ELP1: variants seen among roughly 807,000 people sequenced by gnomAD.
ELP1 encodes the protein elongator acetyltransferase complex subunit 1.
In ELP1, 131 loss-of-function variants were observed where a neutral mutation model predicts 183.2. The ratio of observed to expected loss-of-function variants is 0.72; its 90% confidence interval spans 0.62 to 0.83. The LOEUF is 0.83. ELP1 is among the 40% of genes least tolerant of loss of function. The pLI, the probability that ELP1 is intolerant of heterozygous loss-of-function variation, is 0.00. For missense variants in ELP1, 1,550 were observed against 1,594.9 expected (o/e 0.97, Z 0.48); for synonymous variants, 555 against 569.0 (o/e 0.98, Z 0.35).
At chr9:108,885,514 G>C (rs1183780170) in intron 29 of ELP1, among the ~76,000 whole-genome samples, 2 of 24,748 alleles carry the variant, frequency 8.1e-5, no homozygotes, top group South Asian at 8.5e-4. Context: ...TGAACTAATA[G>C]TGGAAAAGCT....
chr9:108,909,778 A>C (rs932158144), intron 12 of ELP1, among the ~76,000 whole-genome samples: 1 of 152,140 alleles, frequency 6.6e-6, no homozygotes, highest in Non-Finnish European at 1.5e-5. Flanking sequence ...GATGCCGAAC[A>C]ATCTTTCAAA....
At position 108,899,667 on chromosome 9, in the gene ELP1, T is replaced by TA. The variant is rs369301164; in HGVS notation, c.2204+154dup. Among the ~76,000 whole-genome samples the TA allele has an allele frequency of 0.12, 16,448 of 138,544 alleles. 1,149 individuals are homozygous for TA. Among genetic ancestry groups the TA allele is most frequent in the African/African-American group, 0.21 (7,819 of 38,032 alleles). 90.9% of individuals were successfully genotyped at this position (138,544 alleles called of 152,430 possible). A position where few individuals can be genotyped will look rare whatever the true frequency, so the allele number is the denominator to read the frequency against. On this transcript the variant is annotated intron_variant, in intron 20 of 36. Coordinates refer to ENST00000374647, the MANE Select transcript of ELP1 (RefSeq NM_003640.5). ...AAATACTGCATTAAAGTAAAAAAGTTAAAAAAAAAAAAAAGAGCCTCTAAG... is the reference window on the plus strand; with the variant it reads ...AAATACTGCATTAAAGTAAAAAAGTTAAAAAAAAAAAAAAAGAGCCTCTAAG...
rs375166990 is a variant in ELP1 at position 108,873,149 on chromosome 9, A to G, written c.3931+1746T>C. Among the ~76,000 whole-genome samples the G allele has an allele frequency of 1.4e-4, 21 of 152,318 alleles. No homozygotes were observed. In the East Asian group the frequency reaches 3.3e-3, roughly 24 times the overall value. ...CACTTATTTTGTCATCAATTGCAAC[A>G]AGTCCAACCCAGCTGTGATTCAAGT... On this transcript the variant is annotated intron_variant, in intron 36 of 36. Coordinates refer to ENST00000374647, the MANE Select transcript of ELP1 (RefSeq NM_003640.5).
chr9:108,919,585 G>A (rs1356209710), intron 6 of ELP1, among the ~76,000 whole-genome samples: 1 of 150,732 alleles, frequency 6.6e-6, no homozygotes, highest in Non-Finnish European at 1.5e-5. Context: ...AAAAAAAAGT[G>A]GCCTCTGAGA....
intron 25 of ELP1, among the ~76,000 whole-genome samples, chr9:108,895,012 C>T (rs895504553): frequency 2.0e-5 from 3 of 152,032 alleles, no homozygotes; most frequent in Non-Finnish European, 4.4e-5. Flanking sequence ...TCTGGGAGGC[C>T]GAGGCAGATG....
intron 19 of ELP1, 149 bp from the exon 20 acceptor site, chr9:108,900,044 T>G: frequency 1.2e-6 from 1 of 833,498 alleles, no homozygotes; most frequent in Admixed American, 2.1e-5. Context: ...TTCTCTATAT[T>G]TATCTTGACT....
At chr9:108,910,616 C>T (rs1829177410) in intron 12 of ELP1, among the ~76,000 whole-genome samples, 1 of 152,134 alleles carries the variant, frequency 6.6e-6, no homozygotes, top group Non-Finnish European at 1.5e-5. Context: ...ACACTGTGTT[C>T]CCTCATCTAC....
intron 1 of ELP1, among the ~76,000 whole-genome samples, chr9:108,931,634 G>C (rs1830006450): frequency 6.6e-6 from 1 of 152,200 alleles, no homozygotes; most frequent in African/African-American, 2.4e-5. Flanking sequence ...ACTGGCAGTT[G>C]AAGAGAATCT....
rs144059169 is a variant in ELP1, at chr9:108,912,504, A to G, written c.959-10T>C. 90 of 1,601,296 alleles carry G rather than the reference A, an allele frequency of 5.6e-5. No individual in the cohort carries two copies. In the African/African-American group the frequency reaches 1.1e-3, roughly 19 times the overall value. ...ACAGTCCAGAGCTGAACTGCAAGGG[A>G]AAATGAAAAGAAGGCCGTTAGAGGC... is the stretch of plus-strand genomic sequence containing the variant. On this transcript the variant is annotated splice_polypyrimidine_tract_variant and intron_variant, in intron 10 of 36. Transcript: ENST00000374647.
At position 108,873,759 on chromosome 9, in the gene ELP1, G is replaced by A. The variant is rs560671561; in HGVS notation, c.3931+1136C>T. ...AAGTGGGCTGGGCACAGGGGCAGAC[G>A]CCTGTAATCCCAGCACTTTGGGAGG... On this transcript the variant is annotated intron_variant, in intron 36 of 36. Coordinates refer to ENST00000374647, the MANE Select transcript of ELP1 (RefSeq NM_003640.5). Among the ~76,000 whole-genome samples the A allele has an allele frequency of 3.9e-5, 6 of 152,262 alleles. No individual in the cohort carries two copies. In the East Asian group the frequency reaches 5.8e-4, roughly 15 times the overall value.
chr9:108,912,287 G>A lies in ELP1; in HGVS notation c.1166C>T (p.Ser389Phe), dbSNP rs745948468. The A allele has an allele frequency of 5.6e-6, 9 of 1,613,930 alleles. No homozygotes were observed. The highest frequency in any genetic ancestry group is 2.7e-5 in the African/African-American group (2 of 74,902). ...ACTTCCATCAATGACAGCCACATTG[G>A]ACAAGTCACTTGAATTATCTCCCAC... ...RSVGDNSSDL[S>F]NVAVIDGNRV... The change falls in exon 11 of 37, where the codon TCC (serine) becomes TTC (phenylalanine). Residue 389 changes from serine to phenylalanine, a missense_variant. Coordinates refer to ENST00000374647, the MANE Select transcript of ELP1 (RefSeq NM_003640.5).
chr9:108,882,040 G>A, intron 30 of ELP1, 85 bp downstream of exon 30: 1 of 1,108,066 alleles, frequency 9.0e-7, no homozygotes, highest in Non-Finnish European at 1.4e-6. Flanking sequence ...AACCTCAGAA[G>A]ACAAGAGATT....
chr9:108,924,670 C>T (rs958559215), intron 5 of ELP1, among the ~76,000 whole-genome samples: 8 of 152,152 alleles, frequency 5.3e-5, no homozygotes, highest in African/African-American at 1.9e-4. Context: ...TCAGAATTTC[C>T]TACATACCCA....
chr9:108,894,802 G>A (rs984873951), intron 25 of ELP1, among the ~76,000 whole-genome samples: 1 of 152,120 alleles, frequency 6.6e-6, no homozygotes, highest in Non-Finnish European at 1.5e-5. Flanking sequence ...AAAACTCTGA[G>A]ACCCTGCCAA....
At chr9:108,908,552 T>C in intron 12 of ELP1, 148 bp from the exon 13 acceptor site, 1 of 683,518 alleles carries the variant, frequency 1.5e-6, no homozygotes, top group South Asian at 1.7e-5. Context: ...ATTTCTGCTT[T>C]CCTCTTAAGA....
Position 108,898,565 on chromosome 9 carries a change from A to C in ELP1, c.2300T>G (p.Val767Gly). Residue 767 changes from valine (V) to glycine (G), a missense_variant, in exon 22 of 37, where the codon GTG (valine) becomes GGG (glycine). Transcript: ENST00000374647. Reference protein sequence around the residue: ...DHNPKVFLGNVETFIKQIDSV... With the variant: ...DHNPKVFLGNGETFIKQIDSV... ...ATCTATCTGTTTAATGAAGGTTTCC[A>C]CATTTCCAAGAAACACCTACCAAAA... 1 of 1,606,896 alleles carries C rather than the reference A, an allele frequency of 6.2e-7. No homozygotes were observed. Among genetic ancestry groups the C allele is most frequent in the South Asian group, 1.1e-5 (1 of 90,874 alleles).
chr9:108,888,808 T>A (rs1424384074), intron 29 of ELP1, among the ~76,000 whole-genome samples: 1 of 152,238 alleles, frequency 6.6e-6, no homozygotes, highest in Admixed American at 6.5e-5. Context: ...ACTGTGCACC[T>A]GTGTACTGTT....
chr9:108,922,233 T>C lies in ELP1; in HGVS notation c.552+609A>G, dbSNP rs111726629. ...TAAATTAAAATAAAATATAAGAGTT[T>C]AAATGAATTTAATGTGACACGGACA... is the stretch of plus-strand genomic sequence containing the variant. On this transcript the variant is annotated intron_variant, in intron 6 of 36. Transcript: ENST00000374647. Among the ~76,000 whole-genome samples the C allele has an allele frequency of 2.6e-3, 396 of 152,332 alleles. 2 individuals are homozygous for C. The highest frequency in any genetic ancestry group is 9.0e-3 in the African/African-American group (373 of 41,570).
chr9:108,904,663 G>A (rs1160109521), intron 14 of ELP1, among the ~76,000 whole-genome samples: 1 of 152,120 alleles, frequency 6.6e-6, no homozygotes, highest in Non-Finnish European at 1.5e-5. Flanking sequence ...ATGATCTCAG[G>A]CAAGTTATCT....
Sources: gnomAD v4.1 joint callset for allele counts (sites outside exome capture counted in the v4.1 genomes callset) on GRCh38, gnomAD v4.1.1 for gene constraint, MANE v1.5 for transcripts, NCBI Gene and HGNC (gene_info 2026-07-23, HGNC 2026-07-21) for gene names.